The following RAD50 variants were observed in gnomAD, a reference collection of about 807,000 sequenced individuals.
RAD50 encodes RAD50 double strand break repair protein, also known as DNA repair protein RAD50.
In RAD50, 132 loss-of-function variants were observed where a neutral mutation model predicts 168.8. That is an observed-to-expected ratio of 0.78 (90% CI 0.68 to 0.90). The LOEUF (loss-of-function observed/expected upper bound fraction) is 0.90. RAD50 is among the 40% of genes least tolerant of loss of function. The pLI, the probability that RAD50 is intolerant of heterozygous loss-of-function variation, is 0.00. For missense variants in RAD50, 1,347 were observed against 1,534.4 expected (o/e 0.88, Z 2.04); for synonymous variants, 525 against 497.4 (o/e 1.06, Z -0.74).
At chr5:132,604,121 A>G in intron 15 of RAD50, 75 bp downstream of exon 15, 4 of 1,558,158 alleles carry the variant, frequency 2.6e-6, no homozygotes, top group Non-Finnish European at 3.5e-6. Flanking sequence ...AGTCAATTTT[A>G]TATCTGTTAC....
At chr5:132,573,985 G>A (rs1411752610) in intron 2 of RAD50, among the ~76,000 whole-genome samples, 1 of 152,180 alleles carries the variant, frequency 6.6e-6, no homozygotes, top group African/African-American at 2.4e-5. Flanking sequence ...GTTTTCACAG[G>A]CTGGTGTTGA....
chr5:132,615,743 C>G (rs1274139308), intron 19 of RAD50, among the ~76,000 whole-genome samples: 1 of 152,014 alleles, frequency 6.6e-6, no homozygotes, highest in Non-Finnish European at 1.5e-5. Flanking sequence ...AACAGTAGAC[C>G]TGGTTTTTAG....
intron 7 of RAD50, 92 bp downstream of exon 7, chr5:132,588,181 G>A: frequency 7.0e-7 from 1 of 1,423,014 alleles, no homozygotes. Context: ...TATGCTGAGT[G>A]AAAAGCCAAT....
At chr5:132,575,544 GC>G (rs1478991845) in intron 2 of RAD50, among the ~76,000 whole-genome samples, 1 of 152,134 alleles carries the variant, frequency 6.6e-6, no homozygotes, top group Non-Finnish European at 1.5e-5. Context: ...TGAAAAATCT[GC>G]ATACCTGATC....
At chr5:132,564,627 G>GA (rs1750176650) in intron 2 of RAD50, among the ~76,000 whole-genome samples, 1 of 152,146 alleles carries the variant, frequency 6.6e-6, no homozygotes, top group Admixed American at 6.5e-5. Flanking sequence ...TGGTAGAAAA[G>GA]AAAAACCCAT....
chr5:132,563,262 C>T (rs1750152205), intron 2 of RAD50, among the ~76,000 whole-genome samples: 1 of 152,108 alleles, frequency 6.6e-6, no homozygotes, highest in South Asian at 2.1e-4. Flanking sequence ...GGGATAATTA[C>T]AGAGCACAAT....
chr5:132,629,321 A>G (rs975966603), intron 21 of RAD50, among the ~76,000 whole-genome samples: 8 of 152,278 alleles, frequency 5.3e-5, no homozygotes, highest in Non-Finnish European at 1.0e-4. Flanking sequence ...TAGGTGCTCC[A>G]TAGTCTGTTT....
At chr5:132,583,539 C>A (rs1750541867) in intron 5 of RAD50, among the ~76,000 whole-genome samples, 1 of 152,144 alleles carries the variant, frequency 6.6e-6, no homozygotes, top group Non-Finnish European at 1.5e-5. Flanking sequence ...TCAGTCCTCT[C>A]CCCTGCTCCC....
chr5:132,602,498 T>G (rs1561644592), intron 13 of RAD50, among the ~76,000 whole-genome samples: 1 of 152,248 alleles, frequency 6.6e-6, no homozygotes, highest in Non-Finnish European at 1.5e-5. Flanking sequence ...GTTGACATTT[T>G]GTACCTTAAA....
intron 13 of RAD50, among the ~76,000 whole-genome samples, chr5:132,602,635 A>G (rs928362405): frequency 5.9e-5 from 9 of 152,198 alleles, no homozygotes; most frequent in African/African-American, 2.2e-4. Context: ...ATTCATATAT[A>G]TCCCTCATCC....
rs1060504403 is a variant in RAD50, at chr5:132,609,339, C to T, written c.2979C>T (p.His993=). The change falls in exon 19 of 25, where the codon CAC becomes CAT. Residue 993 remains histidine, a synonymous_variant. Transcript: ENST00000378823. ...CTCAACTAAGTGAATGCGAGAAACA[C>T]AAAGAAAAGATAAATGAAGATATGA... ...VIAQLSECEK[H]KEKINEDMRL... 2 of 1,613,576 alleles carry T rather than the reference C, an allele frequency of 1.2e-6. No individual in the cohort carries two copies. Among genetic ancestry groups the T allele is most frequent in the Non-Finnish European group, 1.7e-6 (2 of 1,179,836 alleles).
intron 19 of RAD50, among the ~76,000 whole-genome samples, chr5:132,613,000 A>G (rs991467649): frequency 3.3e-5 from 5 of 152,120 alleles, no homozygotes; most frequent in Non-Finnish European, 4.4e-5. Flanking sequence ...GCTTTCAGGC[A>G]GTCTTGTAGA....
chr5:132,563,500 A>G (rs1335535369), intron 2 of RAD50, among the ~76,000 whole-genome samples: 1 of 152,220 alleles, frequency 6.6e-6, no homozygotes, highest in Non-Finnish European at 1.5e-5. Flanking sequence ...CCTAGAAAAC[A>G]TAGAATAGTT....
intron 21 of RAD50, among the ~76,000 whole-genome samples, chr5:132,619,109 A>G (rs1751229413): frequency 1.3e-5 from 2 of 152,212 alleles, no homozygotes. Flanking sequence ...TACTATGGGA[A>G]TAGACCACAA....
At chr5:132,582,966 C>CA (rs895006212) in intron 5 of RAD50, among the ~76,000 whole-genome samples, 1 of 152,126 alleles carries the variant, frequency 6.6e-6, no homozygotes, top group African/African-American at 2.4e-5. Flanking sequence ...GTAGAGATGT[C>CA]ATGAAAGATC....
chr5:132,627,281 G>A (rs1419276779), intron 21 of RAD50, among the ~76,000 whole-genome samples: 4 of 152,086 alleles, frequency 2.6e-5, no homozygotes, highest in Admixed American at 2.6e-4. Flanking sequence ...TCTTCAGTGA[G>A]GTGCTTGTGT....
At chr5:132,612,523 A>G (rs1751104530) in intron 19 of RAD50, among the ~76,000 whole-genome samples, 1 of 152,202 alleles carries the variant, frequency 6.6e-6, no homozygotes, top group Non-Finnish European at 1.5e-5. Context: ...TTTTTAAAAA[A>G]TGACTTAGGT....
chr5:132,579,638 A>T (rs1750468672), intron 4 of RAD50, 136 bp downstream of exon 4: 2 of 903,822 alleles, frequency 2.2e-6, no homozygotes, highest in African/African-American at 3.4e-5. Context: ...AGCAGCAACC[A>T]TTGGGCATAT....
chr5:132,609,609 C>CAAAA (rs1366089572), intron 19 of RAD50, among the ~76,000 whole-genome samples: 1 of 152,118 alleles, frequency 6.6e-6, no homozygotes, highest in Non-Finnish European at 1.5e-5. Context: ...CAGTGAAACC[C>CAAAA]TGTCTGTACT....
Sources: gnomAD v4.1 joint callset for allele counts (sites outside exome capture counted in the v4.1 genomes callset) on GRCh38, gnomAD v4.1.1 for gene constraint, MANE v1.5 for transcripts, NCBI Gene and HGNC (gene_info 2026-07-23, HGNC 2026-07-21) for gene names.